VSTM2A: variants seen among roughly 807,000 people sequenced by gnomAD.
VSTM2A encodes V-set and transmembrane domain containing 2A.
In VSTM2A, 13 loss-of-function variants were observed where a neutral mutation model predicts 27.3. The ratio of observed to expected loss-of-function variants is 0.48; its 90% CI spans 0.31 to 0.76. The LOEUF is 0.76. Ranked by LOEUF, VSTM2A falls within the 30% of genes least tolerant of loss-of-function variation. The pLI is 0.05. For missense variants in VSTM2A, 280 were observed against 310.0 expected (o/e 0.90, Z 0.73); for synonymous variants, 142 against 125.7 (o/e 1.13, Z -0.87).
intron 4 of VSTM2A, among the ~76,000 whole-genome samples, chr7:54,566,757 T>C (rs1245636760): frequency 6.6e-6 from 1 of 152,222 alleles, no homozygotes; most frequent in Non-Finnish European, 1.5e-5. Flanking sequence ...TCATTTAATA[T>C]CTCAAAAGTG....
chr7:54,544,950 T>C (rs905146494), intron 2 of VSTM2A, among the ~76,000 whole-genome samples, 162 bp downstream of exon 2: 9 of 152,156 alleles, frequency 5.9e-5, no homozygotes, highest in Admixed American at 5.2e-4. Flanking sequence ...GAAAGGGAAT[T>C]TGTCCTGGGG....
At chr7:54,554,161 C>T (rs1240785814) in intron 4 of VSTM2A, 10 of 1,514,508 alleles carry the variant, frequency 6.6e-6, no homozygotes, top group South Asian at 1.3e-5. Flanking sequence ...TCTCACATCT[C>T]GTCCTTCCCA....
Position 54,569,391 on chromosome 7 carries a change from G to A in VSTM2A, c.*172G>A, listed in dbSNP as rs1285751546. The A allele has an allele frequency of 1.7e-6, 2 of 1,201,820 alleles. No homozygotes were observed. The highest frequency in any genetic ancestry group is 2.6e-5 in the East Asian group (1 of 38,678). 74.4% of individuals were successfully genotyped at this position (1,201,820 alleles called of 1,614,324 possible). ...TCTATTTTTTCCCTTTTCTTTCGGCGACTAAAATCATCTCACTGACTGCTC... is the reference window on the plus strand; with the variant it reads ...TCTATTTTTTCCCTTTTCTTTCGGCAACTAAAATCATCTCACTGACTGCTC... On this transcript the variant is annotated 3_prime_UTR_variant, in exon 5 of 5. Coordinates refer to ENST00000402613, the MANE Select transcript of VSTM2A (RefSeq NM_001301009.2).
chr7:54,544,794 G>A lies in VSTM2A; in HGVS notation c.246+6G>A. On this transcript the variant is annotated splice_donor_region_variant and intron_variant, in intron 2 of 4. Transcript: ENST00000402613. ...CCGAGGGGGCCGGCGCGCAGGTAGC[G>A]GAGCCCGCCGACCCCGCGTCTCCCC... The A allele has an allele frequency of 3.8e-6, 6 of 1,592,726 alleles. No homozygotes were observed. Among genetic ancestry groups the A allele is most frequent in the Non-Finnish European group, 5.1e-6 (6 of 1,170,012 alleles).
Position 54,569,393 on chromosome 7 carries a change from C to G in VSTM2A, c.*174C>G, listed in dbSNP as rs1205304863. 1 of 1,144,710 alleles carries G rather than the reference C, an allele frequency of 8.7e-7. No homozygotes were observed. The highest frequency in any genetic ancestry group is 2.8e-5 in the Admixed American group (1 of 36,138). The allele number at this position is 1,144,710 out of a possible 1,614,324, so 70.9% of individuals were successfully genotyped here. On this transcript the variant is annotated 3_prime_UTR_variant, in exon 5 of 5. Coordinates refer to ENST00000402613, the MANE Select transcript of VSTM2A (RefSeq NM_001301009.2). ...TATTTTTTCCCTTTTCTTTCGGCGA[C>G]TAAAATCATCTCACTGACTGCTCAA...
At chr7:54,560,347 A>G (rs13228895) in intron 4 of VSTM2A, among the ~76,000 whole-genome samples, 1 of 152,154 alleles carries the variant, frequency 6.6e-6, no homozygotes, top group Admixed American at 6.5e-5. Flanking sequence ...GGTGGAGAAC[A>G]TGACCATCAA....
chr7:54,567,380 TTTAG>T (rs1788756311), intron 4 of VSTM2A, among the ~76,000 whole-genome samples: 1 of 152,238 alleles, frequency 6.6e-6, no homozygotes, highest in African/African-American at 2.4e-5. Context: ...TGGGTTTCTT[TTTAG>T]TTATAATACT....
intron 4 of VSTM2A, among the ~76,000 whole-genome samples, chr7:54,552,819 G>C (rs545549275): frequency 1.2e-4 from 18 of 152,162 alleles, no homozygotes; most frequent in Non-Finnish European, 2.6e-4. Flanking sequence ...ATACAAAGAG[G>C]CATCCTTCAT....
At chr7:54,557,947 A>C (rs1788424987) in intron 4 of VSTM2A, 2 of 152,148 alleles carry the variant, frequency 1.3e-5, no homozygotes, top group African/African-American at 4.8e-5. Context: ...ATAATTTCAG[A>C]GCTTGCTTTT....
intron 1 of VSTM2A, among the ~76,000 whole-genome samples, chr7:54,543,406 A>G (rs577091479): frequency 1.1e-4 from 16 of 152,320 alleles, no homozygotes; most frequent in African/African-American, 3.6e-4. Flanking sequence ...CTCTGGTGCC[A>G]AAAGACTGCA....
intron 4 of VSTM2A, chr7:54,551,985 T>G (rs1788215441): frequency 6.6e-6 from 1 of 152,256 alleles, no homozygotes; most frequent in Non-Finnish European, 1.5e-5. Flanking sequence ...GGTTTAATAA[T>G]GCAATCTCAA....
intron 4 of VSTM2A, 59 bp from the exon 5 acceptor site, chr7:54,569,072 G>C: frequency 1.2e-6 from 2 of 1,605,990 alleles, no homozygotes; most frequent in Non-Finnish European, 1.7e-6. Flanking sequence ...TTTGTGAAGG[G>C]TGCTTTGCTT....
chr7:54,547,082 G>C, intron 3 of VSTM2A, 85 bp downstream of exon 3: 2 of 1,454,258 alleles, frequency 1.4e-6, no homozygotes, highest in Non-Finnish European at 1.8e-6. Flanking sequence ...GCTTGCCAGC[G>C]CTGCAGGACA....
chr7:54,565,957 A>C (rs144624671), intron 4 of VSTM2A, among the ~76,000 whole-genome samples: 1 of 152,308 alleles, frequency 6.6e-6, no homozygotes, highest in Non-Finnish European at 1.5e-5. Flanking sequence ...GGAAGAGAAA[A>C]GGATGAGAAA....
intron 4 of VSTM2A, among the ~76,000 whole-genome samples, chr7:54,561,968 AGGCTGGAGTGCAGT>A (rs1788576597): frequency 6.6e-6 from 1 of 152,064 alleles, no homozygotes; most frequent in African/African-American, 2.4e-5. Context: ...TCTGTCACCC[AGGCTGGAGTGCAGT>A]GGCGTGATCT....
rs867890613 is a variant in VSTM2A at position 54,544,703 on chromosome 7, C to T, written c.161C>T (p.Ser54Phe). Reference protein sequence around the residue: ...VEMSCAFQSGSASVYLEIQWW... With the variant: ...VEMSCAFQSGFASVYLEIQWW... Reference sequence around the variant, plus strand: ...ATGTCCTGCGCCTTCCAGAGCGGCTCCGCCTCGGTGTATCTGGAGATCCAA... The same window carrying T: ...ATGTCCTGCGCCTTCCAGAGCGGCTTCGCCTCGGTGTATCTGGAGATCCAA... Residue 54 changes from serine (S) to phenylalanine (F), a missense_variant, in exon 2 of 5, where the codon TCC becomes TTC. Coordinates refer to ENST00000402613, the MANE Select transcript of VSTM2A (RefSeq NM_001301009.2). 2.5e-6 allele frequency: 4 copies of T among 1,612,796 alleles called. No individual in the cohort carries two copies. Among genetic ancestry groups the T allele is most frequent in the Non-Finnish European group, 3.4e-6 (4 of 1,179,850 alleles).
chr7:54,568,696 A>G (rs1462174315), intron 4 of VSTM2A, among the ~76,000 whole-genome samples: 1 of 152,076 alleles, frequency 6.6e-6, no homozygotes, highest in Non-Finnish European at 1.5e-5. Flanking sequence ...GTACCAGTAT[A>G]GGAAGAACCA....
intron 1 of VSTM2A, 78 bp downstream of exon 1, chr7:54,542,887 A>G (rs1239943073): frequency 7.5e-7 from 1 of 1,337,798 alleles, no homozygotes; most frequent in Non-Finnish European, 1.1e-6. Flanking sequence ...ATGGACAGGC[A>G]GATAGAATAA....
rs966401251 is a variant in VSTM2A at position 54,570,593 on chromosome 7, G to A, written c.*1374G>A. On this transcript the variant is annotated 3_prime_UTR_variant, in exon 5 of 5. Transcript: ENST00000402613. ...AATGTGTTCAGTTTTCACTGGTTAA[G>A]TGAATTATAATTTTAAATATTCCAT... 3 of 152,166 alleles carry A rather than the reference G, an allele frequency of 2.0e-5. No individual in the cohort carries two copies. The highest frequency in any genetic ancestry group is 4.8e-5 in the African/African-American group (2 of 41,444). 9.4% of individuals were successfully genotyped at this position (152,166 alleles called of 1,614,324 possible).
Sources: allele counts gnomAD v4.1 joint callset (sites outside exome capture counted in the v4.1 genomes callset), GRCh38; gene constraint gnomAD v4.1.1; transcripts MANE v1.5; gene names NCBI Gene and HGNC (gene_info 2026-07-23, HGNC 2026-07-21).